Variants in SH3BP5 observed in about 807,000 individuals in gnomAD.
SH3BP5 encodes the protein SH3 domain binding protein 5.
In SH3BP5, 22 loss-of-function variants were observed where a neutral mutation model predicts 43.3. That is an observed-to-expected ratio of 0.51 (90% CI 0.36 to 0.73). SH3BP5 has a LOEUF of 0.73. SH3BP5 is among the 30% of genes least tolerant of loss of function. The pLI, the probability that SH3BP5 is intolerant of heterozygous loss-of-function variation, is 0.00. For missense variants in SH3BP5, 529 were observed against 586.9 expected (o/e 0.90, Z 1.02); for synonymous variants, 255 against 225.8 (o/e 1.13, Z -1.16).
chr3:15,323,944 T>C (rs944475880), intron 2 of SH3BP5, among the ~76,000 whole-genome samples: 19 of 152,238 alleles, frequency 1.2e-4, no homozygotes, highest in Admixed American at 1.0e-3. Context: ...CAAAGGGAAA[T>C]AAGCAGTATG....
In SH3BP5 at chr3:15,265,512, T is replaced by TCTCACTCACACACACACACACACA. The variant is rs1318765546; in HGVS notation, c.496-3224_496-3223insTGTGTGTGTGTGTGTGTGAGTGAG. Among the ~76,000 whole-genome samples, 97 of 107,986 alleles carry TCTCACTCACACACACACACACACA rather than the reference T, an allele frequency of 9.0e-4. 2 individuals carry two copies. Among genetic ancestry groups the TCTCACTCACACACACACACACACA allele is most frequent in the African/African-American group, 3.4e-3 (83 of 24,116 alleles). The allele number at this position is 107,986 out of a possible 152,430, so 70.8% of individuals were successfully genotyped here. A position where few individuals can be genotyped will look rare whatever the true frequency, so the allele number is the denominator to read the frequency against. On this transcript the variant is annotated intron_variant, in intron 4 of 8. Coordinates refer to ENST00000383791, the MANE Select transcript of SH3BP5 (RefSeq NM_004844.5). The stretch of plus-strand genomic sequence containing the variant: ...GCCTGAGCTACAGGGCGAGACTCCG[T>TCTCACTCACACACACACACACACA]CACACACACACACACACACACACAC...
intron 2 of SH3BP5, among the ~76,000 whole-genome samples, chr3:15,326,112 G>C (rs947970663): frequency 1.3e-5 from 2 of 152,182 alleles, no homozygotes; most frequent in African/African-American, 4.8e-5. Flanking sequence ...GGGCTCTCTG[G>C]TTAAAAGGTT....
At chr3:15,340,371 G>T (rs1011817215) in intron 1 of SH3BP5, among the ~76,000 whole-genome samples, 1 of 152,114 alleles carries the variant, frequency 6.6e-6, no homozygotes, top group East Asian at 1.9e-4. Context: ...TTATGTGACA[G>T]CCTCTGGCAA....
chr3:15,312,562 T>G (rs60510956), intron 2 of SH3BP5, among the ~76,000 whole-genome samples: 2 of 152,302 alleles, frequency 1.3e-5, no homozygotes, highest in East Asian at 1.9e-4. Flanking sequence ...AAACCCCTCT[T>G]GAACCAAAGA....
chr3:15,319,579 G>A (rs892948623), intron 2 of SH3BP5, among the ~76,000 whole-genome samples: 6 of 152,106 alleles, frequency 3.9e-5, no homozygotes, highest in Non-Finnish European at 8.8e-5. Flanking sequence ...TAATAGAAGA[G>A]CTGCTCTGAA....
At chr3:15,307,098 A>G (rs527536831) in intron 2 of SH3BP5, among the ~76,000 whole-genome samples, 96 of 152,244 alleles carry the variant, frequency 6.3e-4, no homozygotes, top group African/African-American at 2.3e-3. Flanking sequence ...CGCCGCCGGC[A>G]TTCCAAAATA....
intron 3 of SH3BP5, among the ~76,000 whole-genome samples, chr3:15,285,673 A>G (rs1697246665): frequency 6.6e-6 from 1 of 152,266 alleles, no homozygotes; most frequent in Admixed American, 6.5e-5. Flanking sequence ...AGGCACCGTG[A>G]GTCCTCACCA....
At chr3:15,256,494 A>G in intron 8 of SH3BP5, 191 bp from the exon 9 acceptor site, 1 of 644,294 alleles carries the variant, frequency 1.6e-6, no homozygotes, top group South Asian at 1.9e-5. Flanking sequence ...TCAGTACATA[A>G]TCATTTACTG....
intron 3 of SH3BP5, among the ~76,000 whole-genome samples, chr3:15,292,971 C>T (rs1697455874): frequency 6.6e-6 from 1 of 152,214 alleles, no homozygotes. Context: ...CAAAAATCTA[C>T]TTGTGTGTGT....
Position 15,259,780 on chromosome 3 carries a change from T to A in SH3BP5, c.650A>T (p.Lys217Met). The part of the protein sequence containing the change: ...KSKPYFELKA[K>M]YYVQLEQLKK... ...ACATACCTCGAGCTGCACATAGTAC[T>A]TTGCCTTGAGTTCAAAATAAGGCCT... Residue 217 changes from lysine (K) to methionine (M), a missense_variant, in exon 6 of 9, where the codon AAG becomes ATG. Physicochemically the swap from Lys to Met is moderately conservative, Grantham distance 95. Transcript: ENST00000383791. 6.2e-7 allele frequency: 1 copy of A among 1,614,128 alleles called. No homozygotes were observed. The highest frequency in any genetic ancestry group is 1.1e-5 in the South Asian group (1 of 91,082).
upstream of SH3BP5, among the ~76,000 whole-genome samples, chr3:15,335,385 A>C (rs1233657889): frequency 6.6e-6 from 1 of 151,942 alleles, no homozygotes; most frequent in Non-Finnish European, 1.5e-5. Flanking sequence ...CTCAAAAAAA[A>C]AGAAAAAAGA....
At chr3:15,295,311 G>A (rs1482275866) in intron 3 of SH3BP5, among the ~76,000 whole-genome samples, 1 of 152,120 alleles carries the variant, frequency 6.6e-6, no homozygotes, top group Non-Finnish European at 1.5e-5. Flanking sequence ...GCCATCCATC[G>A]ACATGCACAG....
At chr3:15,278,495 C>T (rs1697033835) in intron 3 of SH3BP5, among the ~76,000 whole-genome samples, 1 of 152,212 alleles carries the variant, frequency 6.6e-6, no homozygotes, top group South Asian at 2.1e-4. Context: ...CCTGCACTCC[C>T]CCTTCAACTC....
intron 4 of SH3BP5, among the ~76,000 whole-genome samples, chr3:15,265,319 C>G (rs904188702): frequency 2.6e-5 from 4 of 152,166 alleles, no homozygotes; most frequent in Admixed American, 2.6e-4. Context: ...AGTTCAAGAC[C>G]AACCTGGCCA....
intron 2 of SH3BP5, among the ~76,000 whole-genome samples, chr3:15,323,118 A>G (rs1698374070): frequency 7.2e-6 from 1 of 138,866 alleles, no homozygotes; most frequent in African/African-American, 2.8e-5. Context: ...GGTTTTTGAG[A>G]CCCTGTCTCA....
chr3:15,331,642 C>A (rs1466248555), intron 1 of SH3BP5: 1 of 152,274 alleles, frequency 6.6e-6, no homozygotes, highest in Admixed American at 6.5e-5. Flanking sequence ...TCCCCGATTT[C>A]TTTTCATGCC....
Position 15,303,827 on chromosome 3 carries a change from G to A in SH3BP5, c.330+276C>T, listed in dbSNP as rs3773467. Among the ~76,000 whole-genome samples the A allele has an allele frequency of 1.4e-3, 212 of 152,254 alleles. 4 individuals are homozygous for A. In the East Asian group the frequency reaches 0.021, roughly 15 times the overall value. On this transcript the variant is annotated intron_variant, in intron 3 of 8. Coordinates refer to ENST00000383791, the MANE Select transcript of SH3BP5 (RefSeq NM_004844.5). ...TGTCTGACAGGTTGTCATTAGGAGC[G>A]GAGGAGGAACACCCTCTGGACACGT...
At chr3:15,260,302 C>G (rs1025729205) in intron 5 of SH3BP5, 1 of 164,870 alleles carries the variant, frequency 6.1e-6, no homozygotes. Flanking sequence ...AAGGCCACCA[C>G]TAGGAGGGGG....
At chr3:15,263,747 A>G (rs1348104097) in intron 4 of SH3BP5, among the ~76,000 whole-genome samples, 7 of 152,258 alleles carry the variant, frequency 4.6e-5, no homozygotes, top group Admixed American at 3.3e-4. Context: ...CATCAGAACA[A>G]GGCCTGCCTT....
Sources: allele counts gnomAD v4.1 joint callset (sites outside exome capture counted in the v4.1 genomes callset), GRCh38; gene constraint gnomAD v4.1.1; transcripts MANE v1.5; gene names NCBI Gene and HGNC (gene_info 2026-07-23, HGNC 2026-07-21).